C6orf62: variants seen among roughly 807,000 people sequenced by gnomAD.
C6orf62 encodes the protein uncharacterized protein C6orf62.
Under a neutral mutation model 26.8 loss-of-function variants are expected in C6orf62, and 16 were observed. That is an observed-to-expected ratio of 0.60 (90% CI 0.40 to 0.91). C6orf62 has a LOEUF of 0.91. Among genes scored for constraint, C6orf62 ranks in the 40% least tolerant of loss-of-function variants. The pLI, the probability that C6orf62 is intolerant of heterozygous loss-of-function variation, is 0.00. For missense variants in C6orf62, 192 were observed against 271.4 expected (o/e 0.71, Z 2.06); for synonymous variants, 112 against 91.5 (o/e 1.22, Z -1.28).
intron 4 of C6orf62, among the ~76,000 whole-genome samples, chr6:24,707,741 C>T (rs1055638063): frequency 5.3e-5 from 8 of 151,978 alleles, no homozygotes; most frequent in African/African-American, 9.7e-5. Flanking sequence ...CGGTGGCTCA[C>T]GCCTGTAATC....
rs558378184 is a variant in C6orf62, at chr6:24,718,784, A to C, written c.-116T>G. ...ATTTTTTTTCCTGCTAATATGATTG[A>C]TTAGCGAAAATCACGACTATAACCC... On this transcript the variant is annotated 5_prime_UTR_variant, in exon 1 of 5. Transcript: ENST00000378119. 1,152 of 1,558,512 alleles carry C rather than the reference A, an allele frequency of 7.4e-4. 2 individuals carry two copies. The highest frequency in any genetic ancestry group is 1.5e-3 in the Middle Eastern group (9 of 5,846).
chr6:24,718,810 A>C lies in C6orf62; in HGVS notation c.-142T>G. 6.6e-7 allele frequency: 1 copy of C among 1,513,388 alleles called. No individual in the cohort carries two copies. Among genetic ancestry groups the C allele is most frequent in the Non-Finnish European group, 8.8e-7 (1 of 1,139,456 alleles). 93.7% of individuals were successfully genotyped at this position (1,513,388 alleles called of 1,614,324 possible). On this transcript the variant is annotated 5_prime_UTR_variant, in exon 1 of 5. Coordinates refer to ENST00000378119, the MANE Select transcript of C6orf62 (RefSeq NM_030939.5). The stretch of plus-strand genomic sequence containing the variant: ...TTAGCGAAAATCACGACTATAACCC[A>C]AAAACTGCACCTTCTGTCAATATTA...
chr6:24,719,821 TC>T (rs1251891811), upstream of C6orf62: 4 of 829,408 alleles, frequency 4.8e-6, no homozygotes, highest in East Asian at 4.3e-5. Context: ...CCCCCGCAGG[TC>T]CCACCCCCAC....
intron 4 of C6orf62, chr6:24,706,740 C>G (rs966948067): frequency 6.4e-6 from 1 of 155,504 alleles, no homozygotes; most frequent in African/African-American, 2.4e-5. Flanking sequence ...GACGAAAACC[C>G]ATCTCTACAA....
chr6:24,713,178 A>G (rs1327486128), intron 3 of C6orf62, among the ~76,000 whole-genome samples: 1 of 152,234 alleles, frequency 6.6e-6, no homozygotes, highest in Admixed American at 6.5e-5. Context: ...ACCTGGATGT[A>G]GTCCCATCAT....
At chr6:24,720,422 C>T (rs1476914138), upstream of C6orf62, 4 of 1,128,376 alleles carry the variant, frequency 3.5e-6, no homozygotes, top group Non-Finnish European at 4.3e-6. Flanking sequence ...CGCCGCTCAG[C>T]CCCCACCTGG....
upstream of C6orf62, chr6:24,719,750 G>A (rs3813687): frequency 0.17 from 266,680 of 1,539,796 alleles, 24,754 homozygotes; most frequent in Non-Finnish European, 0.19. Flanking sequence ...CATTGCCGAG[G>A]CAAAGGTGGC....
At position 24,718,156 on chromosome 6, in the gene C6orf62, A is replaced by T. The variant is rs910628278; in HGVS notation, c.129+384T>A. Reference sequence around the variant, plus strand: ...AGAAACAGGATAAACTTTAGCATATAAACAGTCTGATTACAATTTCACACT... The same window carrying T: ...AGAAACAGGATAAACTTTAGCATATTAACAGTCTGATTACAATTTCACACT... On this transcript the variant is annotated intron_variant, in intron 1 of 4. Coordinates refer to ENST00000378119, the MANE Select transcript of C6orf62 (RefSeq NM_030939.5). 2.6e-5 allele frequency among the ~76,000 whole-genome samples: 4 copies of T among 152,348 alleles called. No individual in the cohort carries two copies. The East Asian group carries it at 7.7e-4, about 29-fold the overall frequency.
intron 4 of C6orf62, among the ~76,000 whole-genome samples, chr6:24,707,493 G>A (rs1211574830): frequency 1.3e-5 from 2 of 151,840 alleles, no homozygotes; most frequent in Non-Finnish European, 2.9e-5. Flanking sequence ...GAGTAGCTAG[G>A]ACCACAGGAA....
chr6:24,719,966 T>TG (rs148109168), upstream of C6orf62: 7,964 of 1,547,152 alleles, frequency 5.1e-3, 282 homozygotes, highest in African/African-American at 0.084. Context: ...GAAGGTTCAG[T>TG]GGGGGAAAAA....
intron 3 of C6orf62, chr6:24,709,841 T>C: frequency 4.1e-6 from 4 of 985,374 alleles, no homozygotes; most frequent in Non-Finnish European, 4.8e-6. Flanking sequence ...TTTAACAATA[T>C]GATATTTAGA....
At chr6:24,720,304 G>T, upstream of C6orf62, 1 of 1,311,232 alleles carries the variant, frequency 7.6e-7, no homozygotes, top group Non-Finnish European at 9.6e-7. Context: ...CGGCGGGGGC[G>T]CTGCTGGTAG....
chr6:24,719,940 G>C, upstream of C6orf62: 1 of 1,550,416 alleles, frequency 6.4e-7, no homozygotes. Flanking sequence ...TGGAGTGGGC[G>C]GGAGAGGGTA....
intron 3 of C6orf62, among the ~76,000 whole-genome samples, chr6:24,713,527 C>A (rs1779162798): frequency 6.6e-6 from 1 of 151,988 alleles, no homozygotes; most frequent in Non-Finnish European, 1.5e-5. Context: ...AATAAAGAAG[C>A]CTTCTAATAT....
intron 4 of C6orf62, chr6:24,707,072 A>G (rs984198865): frequency 6.6e-6 from 1 of 152,224 alleles, no homozygotes; most frequent in Non-Finnish European, 1.5e-5. Context: ...AGCACCTCTA[A>G]AAGGCAAAAT....
intron 3 of C6orf62, chr6:24,709,812 A>T (rs1232240693): frequency 1.0e-6 from 1 of 985,350 alleles, no homozygotes; most frequent in Admixed American, 6.1e-5. Flanking sequence ...GGCTTGATGG[A>T]GAATTCAAGA....
chr6:24,707,408 G>A (rs1462891971), intron 4 of C6orf62, among the ~76,000 whole-genome samples: 1 of 151,602 alleles, frequency 6.6e-6, no homozygotes, highest in Non-Finnish European at 1.5e-5. Context: ...ACTCAGGCAG[G>A]AGTGTGTTGG....
chr6:24,711,142 A>C (rs1267508661), intron 3 of C6orf62, among the ~76,000 whole-genome samples: 1 of 152,218 alleles, frequency 6.6e-6, no homozygotes, highest in African/African-American at 2.4e-5. Context: ...AACCACACTG[A>C]AAAAAGGTTT....
intron 4 of C6orf62, among the ~76,000 whole-genome samples, chr6:24,708,225 AG>A (rs1169902699): frequency 2.7e-5 from 4 of 148,686 alleles, no homozygotes; most frequent in African/African-American, 7.5e-5. Context: ...GACTTTTAAA[AG>A]CTTCGAAGGA....
Sources: allele counts gnomAD v4.1 joint callset (sites outside exome capture counted in the v4.1 genomes callset), GRCh38; gene constraint gnomAD v4.1.1; transcripts MANE v1.5; gene names NCBI Gene and HGNC (gene_info 2026-07-23, HGNC 2026-07-21).